Variants in ELMOD1 observed in about 807,000 individuals in gnomAD.
ELMOD1 encodes ELMO domain-containing protein 1.
In ELMOD1, 21 loss-of-function variants were observed where a neutral mutation model predicts 46.7. That is an observed-to-expected ratio of 0.45 (90% confidence interval 0.32 to 0.65). ELMOD1 has a LOEUF of 0.65. ELMOD1 is among the 30% of genes least tolerant of loss of function. The pLI, the probability that ELMOD1 is intolerant of heterozygous loss-of-function variation, is 0.04. For synonymous variants in ELMOD1, 122 were observed against 138.2 expected, an observed-to-expected ratio of 0.88 and a Z score of 0.82; for missense variants, 348 against 407.8, an observed-to-expected ratio of 0.85 and a Z score of 1.26.
intron 2 of ELMOD1, among the ~76,000 whole-genome samples, chr11:107,628,813 CA>C (rs1565379609): frequency 6.6e-6 from 1 of 151,522 alleles, no homozygotes; most frequent in Middle Eastern, 3.4e-3. Context: ...TGTACTTAAT[CA>C]AAAAAGAAAA....
Position 107,618,188 on chromosome 11 carries a change from C to T in ELMOD1, c.-2C>T. 3 of 1,566,828 alleles carry T rather than the reference C, an allele frequency of 1.9e-6. No homozygotes were observed. The highest frequency in any genetic ancestry group is 2.6e-6 in the Non-Finnish European group (3 of 1,154,784). On this transcript the variant is annotated 5_prime_UTR_variant, in exon 2 of 12. Coordinates refer to ENST00000265840, the MANE Select transcript of ELMOD1 (RefSeq NM_018712.4). ...AGCATCTGGACAGTCAACACGGGCA[C>T]CATGAAGCACTTCCTGAGGTATGTG...
At position 107,666,593 on chromosome 11, in the gene ELMOD1, A is replaced by C. The variant is rs917871400; in HGVS notation, c.*1396A>C. The C allele has an allele frequency of 3.9e-5, 6 of 152,644 alleles. No individual in the cohort carries two copies. The highest frequency in any genetic ancestry group is 3.9e-4 in the Admixed American group (6 of 15,286). 9.5% of individuals were successfully genotyped at this position (152,644 alleles called of 1,614,324 possible). Reference sequence around the variant, plus strand: ...TTTAAAAACCATGATTTAGTTTGGAATTATGATTGTAGTCTGTTGAATAGT... The same window carrying C: ...TTTAAAAACCATGATTTAGTTTGGACTTATGATTGTAGTCTGTTGAATAGT... On this transcript the variant is annotated 3_prime_UTR_variant, in exon 12 of 12. Transcript: ENST00000265840.
intron 1 of ELMOD1, among the ~76,000 whole-genome samples, chr11:107,599,087 T>A (rs375078744): frequency 7.2e-5 from 11 of 152,284 alleles, no homozygotes; most frequent in African/African-American, 2.6e-4. Flanking sequence ...ATTTTCGAAC[T>A]AGTGCTATGA....
intron 10 of ELMOD1, among the ~76,000 whole-genome samples, chr11:107,654,566 G>A (rs1190870255): frequency 9.2e-5 from 14 of 151,966 alleles, no homozygotes; most frequent in African/African-American, 3.4e-4. Flanking sequence ...TCAGGAGATC[G>A]AGACCATCCT....
At chr11:107,609,638 G>A (rs774328123) in intron 1 of ELMOD1, among the ~76,000 whole-genome samples, 5 of 152,164 alleles carry the variant, frequency 3.3e-5, no homozygotes, top group South Asian at 2.1e-4. Context: ...TCTTGATGCC[G>A]GGCGAGAGGA....
At chr11:107,645,517 G>A (rs1160734051) in intron 6 of ELMOD1, among the ~76,000 whole-genome samples, 1 of 151,638 alleles carries the variant, frequency 6.6e-6, no homozygotes, top group East Asian at 1.9e-4. Flanking sequence ...TAGGGATGGG[G>A]TTTCACTATC....
Position 107,635,655 on chromosome 11 carries a change from G to A in ELMOD1, c.310G>A (p.Ala104Thr), listed in dbSNP as rs764176228. The A allele has an allele frequency of 1.2e-6, 2 of 1,613,588 alleles. No individual in the cohort carries two copies. The highest frequency in any genetic ancestry group is 3.3e-5 in the Admixed American group (2 of 59,970). ...VNPQLGISLQ[A>T]CLLQIVGYRN... ...CCCTAGGCTGGGAATCTCTCTTCAG[G>A]CTTGCCTTCTGCAAATCGTTGGGTA... The change falls in exon 6 of 12, where the codon GCT becomes ACT. Residue 104 changes from alanine (A) to threonine (T), a missense_variant. By Grantham distance (58) the Ala-to-Thr change is moderately conservative (BLOSUM62 0). Coordinates refer to ENST00000265840, the MANE Select transcript of ELMOD1 (RefSeq NM_018712.4).
intron 9 of ELMOD1, among the ~76,000 whole-genome samples, chr11:107,653,236 G>A (rs1866556796): frequency 6.6e-6 from 1 of 152,058 alleles, no homozygotes; most frequent in African/African-American, 2.4e-5. Flanking sequence ...GGCAGGGAAT[G>A]GGAGTGGGGC....
At chr11:107,641,118 A>G (rs1332992820) in intron 6 of ELMOD1, among the ~76,000 whole-genome samples, 3 of 151,882 alleles carry the variant, frequency 2.0e-5, no homozygotes, top group African/African-American at 7.3e-5. Flanking sequence ...ATGGTGAAAC[A>G]CCGTCTCTAC....
At chr11:107,619,842 A>G (rs938632780) in intron 2 of ELMOD1, among the ~76,000 whole-genome samples, 1 of 152,194 alleles carries the variant, frequency 6.6e-6, no homozygotes, top group Non-Finnish European at 1.5e-5. Flanking sequence ...TGTTCTGATA[A>G]ACATTTTTTT....
chr11:107,630,671 A>T, intron 3 of ELMOD1, 29 bp from the exon 4 acceptor site: 3 of 1,607,142 alleles, frequency 1.9e-6, no homozygotes, highest in Non-Finnish European at 2.5e-6. Context: ...ATAATCTTTG[A>T]ATGACTGTTT....
intron 1 of ELMOD1, among the ~76,000 whole-genome samples, chr11:107,617,365 G>T (rs901146642): frequency 6.6e-6 from 1 of 152,120 alleles, no homozygotes; most frequent in Admixed American, 6.5e-5. Flanking sequence ...CTTTTCTCAT[G>T]AGATAACTTC....
At chr11:107,605,036 A>G (rs1361549225) in intron 1 of ELMOD1, among the ~76,000 whole-genome samples, 1 of 152,222 alleles carries the variant, frequency 6.6e-6, no homozygotes, top group African/African-American at 2.4e-5. Context: ...ATGCAAACAT[A>G]AGTTTATTAT....
chr11:107,615,229 C>CTTTTTTTTTTTTTTTTTTTT (rs34461488), intron 1 of ELMOD1, among the ~76,000 whole-genome samples: 1 of 81,132 alleles, frequency 1.2e-5, no homozygotes, highest in African/African-American at 5.1e-5. Context: ...TTGTCAGCAT[C>CTTTTTTTTTTTTTTTTTTTT]TTTTTTTTTT....
chr11:107,645,114 T>C (rs1395679156), intron 6 of ELMOD1, among the ~76,000 whole-genome samples: 1 of 137,914 alleles, frequency 7.3e-6, no homozygotes, highest in Non-Finnish European at 1.6e-5. Context: ...TTTTTTTGTA[T>C]TATTTGTAGA....
intron 1 of ELMOD1, chr11:107,600,619 C>T (rs1031177125): frequency 1.6e-4 from 24 of 152,676 alleles, no homozygotes; most frequent in African/African-American, 5.1e-4. Context: ...TTCATAATAC[C>T]GTATCAAATG....
At chr11:107,657,464 G>A (rs961889770) in intron 11 of ELMOD1, among the ~76,000 whole-genome samples, 6 of 152,170 alleles carry the variant, frequency 3.9e-5, no homozygotes, top group Non-Finnish European at 8.8e-5. Flanking sequence ...GGAGGCCAAG[G>A]CTGCTATGAG....
intron 1 of ELMOD1, among the ~76,000 whole-genome samples, chr11:107,601,333 T>C (rs752427435): frequency 4.5e-5 from 5 of 111,826 alleles, no homozygotes; most frequent in Admixed American, 8.7e-5. Flanking sequence ...ATTTATAGCT[T>C]TTTTTTTGCA....
chr11:107,626,010 TA>T (rs1194652415), intron 2 of ELMOD1, among the ~76,000 whole-genome samples: 1 of 152,178 alleles, frequency 6.6e-6, no homozygotes, highest in Non-Finnish European at 1.5e-5. Flanking sequence ...TGCATGTAGT[TA>T]TTAGAAAGAG....
Sources: allele counts gnomAD v4.1 joint callset (sites outside exome capture counted in the v4.1 genomes callset), GRCh38; gene constraint gnomAD v4.1.1; transcripts MANE v1.5; gene names NCBI Gene and HGNC (gene_info 2026-07-23, HGNC 2026-07-21).